KCNIP4: variants seen among roughly 807,000 people sequenced by gnomAD.
KCNIP4 encodes Kv channel-interacting protein 4.
KCNIP4 carries 12 observed loss-of-function variants against 34.0 expected under a neutral mutation model. That is an observed-to-expected ratio of 0.35 (90% CI 0.23 to 0.57). The LOEUF (loss-of-function observed/expected upper bound fraction) is 0.57, where lower values mean the gene tolerates loss of function less well. Ranked by LOEUF, KCNIP4 falls within the 20% of genes least tolerant of loss-of-function variation. KCNIP4 has a pLI of 0.83. For synonymous variants in KCNIP4, 124 were observed against 102.2 expected (o/e 1.21, Z -1.29); for missense variants, 238 against 311.7 (o/e 0.76, Z 1.78).
At chr4:21,665,516 C>A (rs1296479374) in intron 1 of KCNIP4, among the ~76,000 whole-genome samples, 8 of 150,052 alleles carry the variant, frequency 5.3e-5, no homozygotes, top group African/African-American at 7.4e-5. Context: ...AGGGCACCCC[C>A]CCCCCCTCAT....
chr4:21,556,930 A>AAAAACAAAAAAAAAC (rs757334653), intron 1 of KCNIP4, among the ~76,000 whole-genome samples: 1 of 108,194 alleles, frequency 9.2e-6, no homozygotes, highest in Non-Finnish European at 2.0e-5. Context: ...CAGAAAAAAA[A>AAAAACAAAAAAAAAC]AAAAAAAAAA....
At chr4:20,954,340 G>T (rs1301520980) in intron 1 of KCNIP4, among the ~76,000 whole-genome samples, 1 of 152,180 alleles carries the variant, frequency 6.6e-6, no homozygotes, top group African/African-American at 2.4e-5. Flanking sequence ...CTGAGACCAT[G>T]AAATCAATGT....
At chr4:21,438,451 A>G (rs1453939296) in intron 1 of KCNIP4, among the ~76,000 whole-genome samples, 2 of 152,200 alleles carry the variant, frequency 1.3e-5, no homozygotes, top group Non-Finnish European at 2.9e-5. Flanking sequence ...ACTGTAACAG[A>G]TTCTTTCCTG....
intron 2 of KCNIP4, among the ~76,000 whole-genome samples, chr4:20,860,172 T>C (rs534556334): frequency 6.6e-6 from 1 of 152,142 alleles, no homozygotes; most frequent in South Asian, 2.1e-4. Context: ...GGAGTCTCGC[T>C]CTTGTTGCCC....
chr4:21,014,736 A>G (rs999680198), intron 1 of KCNIP4, among the ~76,000 whole-genome samples: 7 of 152,210 alleles, frequency 4.6e-5, no homozygotes, highest in African/African-American at 1.7e-4. Flanking sequence ...ACGTAGCATT[A>G]CCATTGACTC....
intron 5 of KCNIP4, among the ~76,000 whole-genome samples, chr4:20,736,143 A>G (rs1404272322): frequency 6.6e-6 from 1 of 152,168 alleles, no homozygotes; most frequent in Non-Finnish European, 1.5e-5. Flanking sequence ...TCACTCATAG[A>G]CTACTGGCAT....
rs186636002 is a variant in KCNIP4 at position 21,024,826 on chromosome 4, A to G, written c.62-142117T>C. Among the ~76,000 whole-genome samples the G allele has an allele frequency of 1.9e-3, 289 of 152,312 alleles. 6 individuals carry two copies. In the South Asian group the frequency reaches 0.053, roughly 28 times the overall value. ...CTTATCCTGATGAGAAAATAATTCT[A>G]TCTCAAATCTTAGAAAATGTATCTT... On this transcript the variant is annotated intron_variant, in intron 1 of 8. Coordinates refer to ENST00000382152, the MANE Select transcript of KCNIP4 (RefSeq NM_025221.6).
At chr4:21,730,478 G>A (rs1375549529) in intron 1 of KCNIP4, among the ~76,000 whole-genome samples, 1 of 152,094 alleles carries the variant, frequency 6.6e-6, no homozygotes, top group Non-Finnish European at 1.5e-5. Context: ...CTGCTTACTG[G>A]GCTGGTTCTG....
chr4:21,720,227 T>C (rs2109093939), intron 1 of KCNIP4, among the ~76,000 whole-genome samples: 1 of 152,182 alleles, frequency 6.6e-6, no homozygotes, highest in East Asian at 1.9e-4. Flanking sequence ...GCCAGTTGCG[T>C]TCAATACCAC....
chr4:21,490,398 A>C (rs983108238), intron 1 of KCNIP4, among the ~76,000 whole-genome samples: 2 of 152,140 alleles, frequency 1.3e-5, no homozygotes, highest in Non-Finnish European at 2.9e-5. Flanking sequence ...TCCTTCTCAC[A>C]ACCCCATTGC....
intron 3 of KCNIP4, among the ~76,000 whole-genome samples, chr4:20,839,092 G>A (rs1320491370): frequency 6.6e-6 from 1 of 152,056 alleles, no homozygotes; most frequent in Non-Finnish European, 1.5e-5. Context: ...TTTCAGATTT[G>A]TCCTCTGACA....
intron 1 of KCNIP4, among the ~76,000 whole-genome samples, chr4:21,151,406 A>ATTTTTTTTTT (rs35983306): frequency 7.8e-5 from 4 of 51,274 alleles, no homozygotes; most frequent in African/African-American, 1.2e-4. Context: ...ACAAAAGACA[A>ATTTTTTTTTT]TTTTTTTTTT....
intron 1 of KCNIP4, among the ~76,000 whole-genome samples, chr4:21,773,727 C>T (rs1718961058): frequency 8.1e-6 from 1 of 123,526 alleles, no homozygotes; most frequent in South Asian, 2.8e-4. Flanking sequence ...AGCATTGCAA[C>T]CCCTGTTTTT....
rs557463742 is a variant in KCNIP4, at chr4:21,587,242, C to T, written c.61+361329G>A. 1.1e-4 allele frequency among the ~76,000 whole-genome samples: 17 copies of T among 152,108 alleles called. No homozygotes were observed. The South Asian group carries it at 3.1e-3, about 28-fold the overall frequency. ...TTGGGTATAAGTAACTTTGTGGATGCCACACAGCCACTCTAGCTATCCATT... is the reference window on the plus strand; with the variant it reads ...TTGGGTATAAGTAACTTTGTGGATGTCACACAGCCACTCTAGCTATCCATT... On this transcript the variant is annotated intron_variant, in intron 1 of 8. Transcript: ENST00000382152.
At chr4:21,405,834 T>C (rs1347972299) in intron 1 of KCNIP4, among the ~76,000 whole-genome samples, 1 of 152,214 alleles carries the variant, frequency 6.6e-6, no homozygotes, top group Non-Finnish European at 1.5e-5. Context: ...TTTTATTTTA[T>C]GTTATTTATT....
intron 1 of KCNIP4, among the ~76,000 whole-genome samples, chr4:20,973,498 G>T (rs984936892): frequency 6.6e-6 from 1 of 152,116 alleles, no homozygotes; most frequent in Non-Finnish European, 1.5e-5. Context: ...CAGCAATAAG[G>T]CTGTTTTGCT....
At chr4:21,796,189 G>A (rs1720611469) in intron 1 of KCNIP4, among the ~76,000 whole-genome samples, 1 of 152,104 alleles carries the variant, frequency 6.6e-6, no homozygotes, top group African/African-American at 2.4e-5. Flanking sequence ...GGTTTCTCAT[G>A]GGATGTTATA....
intron 2 of KCNIP4, among the ~76,000 whole-genome samples, chr4:20,866,489 G>A (rs190201503): frequency 1.3e-5 from 2 of 152,012 alleles, no homozygotes; most frequent in South Asian, 2.1e-4. Flanking sequence ...ACCAGACTAG[G>A]CATCTAAATA....
intron 1 of KCNIP4, among the ~76,000 whole-genome samples, chr4:21,589,178 A>ACGTACACATG (rs1741921350): frequency 1.5e-5 from 1 of 65,110 alleles, no homozygotes; most frequent in African/African-American, 6.5e-5. Context: ...ATATATATAT[A>ACGTACACATG]TATATATATA....
Sources: gnomAD v4.1 joint callset for allele counts (sites outside exome capture counted in the v4.1 genomes callset) on GRCh38, gnomAD v4.1.1 for gene constraint, MANE v1.5 for transcripts, NCBI Gene and HGNC (gene_info 2026-07-23, HGNC 2026-07-21) for gene names.